The following MRPS6 variants were observed in gnomAD, a reference collection of about 807,000 sequenced individuals.
MRPS6 encodes the protein small ribosomal subunit protein bS6m.
MRPS6 carries 6 observed loss-of-function variants against 13.1 expected under a neutral mutation model. The ratio of observed to expected loss-of-function variants is 0.46; its 90% CI spans 0.25 to 0.91. The LOEUF is 0.91. MRPS6 is among the 40% of genes least tolerant of loss of function. The pLI, the probability that MRPS6 is intolerant of heterozygous loss-of-function variation, is 0.18. For synonymous variants in MRPS6, 61 were observed against 56.5 expected (o/e 1.08, Z -0.36); for missense variants, 164 against 155.6 (o/e 1.05, Z -0.29).
At position 34,073,654 on chromosome 21, in the gene MRPS6, C is replaced by T. The variant is rs1328424936; in HGVS notation, c.-47C>T. 6.6e-7 allele frequency: 1 copy of T among 1,504,248 alleles called. No individual in the cohort carries two copies. The highest frequency in any genetic ancestry group is 9.0e-7 in the Non-Finnish European group (1 of 1,114,694). The allele number at this position is 1,504,248 out of a possible 1,614,324, so 93.2% of individuals were successfully genotyped here. A position where few individuals can be genotyped will look rare whatever the true frequency, so the allele number is the denominator to read the frequency against. On this transcript the variant is annotated 5_prime_UTR_variant, in exon 1 of 3. Coordinates refer to ENST00000399312, the MANE Select transcript of MRPS6 (RefSeq NM_032476.4). ...TCCCCGCCGTCCCGCCCCTTCGCGT[C>T]CCGGGAACCGGCTGGCTTCCGAGCC...
At chr21:34,082,366 G>A (rs1412377170) in intron 1 of MRPS6, among the ~76,000 whole-genome samples, 4 of 152,138 alleles carry the variant, frequency 2.6e-5, no homozygotes, top group Non-Finnish European at 4.4e-5. Context: ...GAGCTGCACC[G>A]TGTAAACTGT....
At chr21:34,075,389 AGT>A (rs1989303177) in intron 1 of MRPS6, among the ~76,000 whole-genome samples, 1 of 152,222 alleles carries the variant, frequency 6.6e-6, no homozygotes, top group African/African-American at 2.4e-5. Flanking sequence ...GCAAGTATTA[AGT>A]GTATTTCTTT....
intron 1 of MRPS6, among the ~76,000 whole-genome samples, chr21:34,121,752 A>G (rs1463954117): frequency 6.6e-6 from 1 of 152,212 alleles, no homozygotes; most frequent in Non-Finnish European, 1.5e-5. Context: ...TAAGTTGAAC[A>G]TTGTGCTGGA....
rs1434190201 is a variant in MRPS6 at position 34,073,633 on chromosome 21, C to G, written c.-68C>G. The G allele has an allele frequency of 2.3e-5, 32 of 1,400,836 alleles. No homozygotes were observed. The highest frequency in any genetic ancestry group is 2.9e-5 in the Non-Finnish European group (30 of 1,026,662). 86.8% of individuals were successfully genotyped at this position (1,400,836 alleles called of 1,614,324 possible). A position where few individuals can be genotyped will look rare whatever the true frequency, so the allele number is the denominator to read the frequency against. On this transcript the variant is annotated 5_prime_UTR_variant, in exon 1 of 3. Transcript: ENST00000399312. ...GCAGTTTCTAGGTCCCCACTGTCCC[C>G]GCCGTCCCGCCCCTTCGCGTCCCGG...
At chr21:34,099,684 T>C in intron 1 of MRPS6, 1 of 998,224 alleles carries the variant, frequency 1.0e-6, no homozygotes, top group Non-Finnish European at 1.2e-6. Context: ...TCTGCTCTTG[T>C]CTTAGTAAGA....
intron 1 of MRPS6, among the ~76,000 whole-genome samples, chr21:34,090,297 T>TG (rs1240724386): frequency 2.0e-5 from 3 of 152,206 alleles, no homozygotes; most frequent in African/African-American, 7.2e-5. Context: ...CAGTCCTATG[T>TG]GAGTACACAT....
intron 1 of MRPS6, among the ~76,000 whole-genome samples, chr21:34,084,838 A>T (rs1008332519): frequency 2.6e-5 from 4 of 152,304 alleles, no homozygotes; most frequent in African/African-American, 9.6e-5. Flanking sequence ...ATGACTAAAA[A>T]AATTTCAGAC....
chr21:34,099,225 AT>A, intron 1 of MRPS6: 1 of 1,000,150 alleles, frequency 1.0e-6, no homozygotes, highest in African/African-American at 1.7e-5. Flanking sequence ...GAGGTTTATA[AT>A]TTGGGGGCCA....
intron 1 of MRPS6, chr21:34,100,029 A>G (rs1979163187): frequency 1.1e-6 from 1 of 926,940 alleles, no homozygotes; most frequent in Admixed American, 6.2e-5. Flanking sequence ...CTTTACACTG[A>G]CTAAATGGGT....
chr21:34,135,641 A>G (rs1037650688), intron 2 of MRPS6: 5 of 378,222 alleles, frequency 1.3e-5, no homozygotes, highest in African/African-American at 2.1e-5. Flanking sequence ...ACAGCCTGTC[A>G]TCTCACAGTC....
chr21:34,096,294 T>A lies in MRPS6; in HGVS notation c.45+22549T>A. ...GCTGGTTCCTGTGGGCCTTCGGGGTTTAATGATGGCAGTGATGATTGCAGC... is the reference window on the plus strand; with the variant it reads ...GCTGGTTCCTGTGGGCCTTCGGGGTATAATGATGGCAGTGATGATTGCAGC... On this transcript the variant is annotated intron_variant, in intron 1 of 2. Transcript: ENST00000399312. The surrounding 1 kb of genome is among the most constrained non-coding windows in gnomAD (Gnocchi z 5.9). 1 of 1,614,080 alleles carries A rather than the reference T, an allele frequency of 6.2e-7. No homozygotes were observed.
intron 1 of MRPS6, chr21:34,100,178 G>A (rs963484161): frequency 1.0e-6 from 1 of 1,000,032 alleles, no homozygotes; most frequent in Non-Finnish European, 1.2e-6. Flanking sequence ...GTCTTGGAAG[G>A]TAGAGAAAAA....
chr21:34,104,172 T>A (rs1979371993), intron 1 of MRPS6: 1 of 999,986 alleles, frequency 1.0e-6, no homozygotes, highest in African/African-American at 1.7e-5. Flanking sequence ...AAGGATAATT[T>A]GATCTGAGTG....
chr21:34,097,108 C>T (rs755663299), intron 1 of MRPS6: 1 of 1,614,022 alleles, frequency 6.2e-7, no homozygotes, highest in South Asian at 1.1e-5. Context: ...GGGCAAGCAG[C>T]TCTCATGGGT....
intron 1 of MRPS6, among the ~76,000 whole-genome samples, chr21:34,074,255 G>A (rs556175026): frequency 6.6e-6 from 1 of 151,910 alleles, no homozygotes; most frequent in African/African-American, 2.4e-5. Context: ...GAACGTCCGC[G>A]CCCAATAAAG....
chr21:34,095,288 A>G, intron 1 of MRPS6: 1 of 1,614,146 alleles, frequency 6.2e-7, no homozygotes, highest in South Asian at 1.1e-5. Flanking sequence ...CCATGTGGAA[A>G]TCTAATAGAA....
chr21:34,128,645 TTTATAACTGAGAAC>T (rs1407377919), intron 2 of MRPS6, among the ~76,000 whole-genome samples: 1 of 152,218 alleles, frequency 6.6e-6, no homozygotes, highest in Non-Finnish European at 1.5e-5. Flanking sequence ...AAGTCTGTTG[TTTATAACTGAGAAC>T]TTATTTTCCC....
In MRPS6 at chr21:34,073,685, C is replaced by G. The variant is rs901590588; in HGVS notation, c.-16C>G. 3.3e-6 allele frequency: 5 copies of G among 1,518,294 alleles called. No individual in the cohort carries two copies. In the African/African-American group the frequency reaches 5.8e-5, roughly 18 times the overall value. The allele number at this position is 1,518,294 out of a possible 1,614,324, so 94.1% of individuals were successfully genotyped here. A position where few individuals can be genotyped will look rare whatever the true frequency, so the allele number is the denominator to read the frequency against. On this transcript the variant is annotated 5_prime_UTR_variant, in exon 1 of 3. Coordinates refer to ENST00000399312, the MANE Select transcript of MRPS6 (RefSeq NM_032476.4). ...AACCGGCTGGCTTCCGAGCCGCACT[C>G]GCCGATCCTCCAGGCATGCCCCGCT... is the stretch of plus-strand genomic sequence containing the variant.
At chr21:34,099,221 T>C in intron 1 of MRPS6, 1 of 1,000,216 alleles carries the variant, frequency 1.0e-6, no homozygotes, top group Non-Finnish European at 1.2e-6. Context: ...TCTTGAGGTT[T>C]ATAATTTGGG....
Sources: gnomAD v4.1 joint callset for allele counts (sites outside exome capture counted in the v4.1 genomes callset) on GRCh38, gnomAD v4.1.1 for gene constraint, Gnocchi (gnomAD v3.1) non-coding constraint, MANE v1.5 for transcripts, NCBI Gene and HGNC (gene_info 2026-07-23, HGNC 2026-07-21) for gene names.